Variants in MYT1L observed in about 807,000 individuals in gnomAD.
MYT1L encodes myelin transcription factor 1 like, also known as myelin transcription factor 1-like protein.
Under a neutral mutation model 126.7 loss-of-function variants are expected in MYT1L, and 12 were observed. That is an observed-to-expected ratio of 0.09 (90% CI 0.06 to 0.15). MYT1L has a LOEUF of 0.15. Ranked by LOEUF, MYT1L falls within the 10% of genes least tolerant of loss-of-function variation. MYT1L has a pLI of 1.00. For missense variants in MYT1L, 979 were observed against 1,585.2 expected, an observed-to-expected ratio of 0.62 and a Z score of 6.49; for synonymous variants, 541 against 604.2, an observed-to-expected ratio of 0.90 and a Z score of 1.53.
intron 2 of MYT1L, among the ~76,000 whole-genome samples, chr2:2,217,292 T>C (rs2093703822): frequency 6.6e-6 from 1 of 152,150 alleles, no homozygotes; most frequent in Admixed American, 6.5e-5. Context: ...CAACAGCGTA[T>C]AAGAAGTACA....
Position 2,153,739 on chromosome 2 carries a change from C to T in MYT1L, c.-304+19133G>A, listed in dbSNP as rs139642894. On this transcript the variant is annotated intron_variant, in intron 3 of 24. Transcript: ENST00000647738. ...TTCCAGCAAGCCAGCTGACTGGAGG[C>T]CGGCCTGAATAGAGGAAAGGAAGAC... Among the ~76,000 whole-genome samples the T allele has an allele frequency of 5.9e-5, 9 of 152,192 alleles. No homozygotes were observed. In the East Asian group the frequency reaches 1.7e-3, roughly 29 times the overall value.
At chr2:2,292,740 A>C (rs1168934648) in intron 1 of MYT1L, among the ~76,000 whole-genome samples, 1 of 152,192 alleles carries the variant, frequency 6.6e-6, no homozygotes, top group Non-Finnish European at 1.5e-5. Flanking sequence ...GTGGTTCTAC[A>C]TCCTGATATC....
intron 3 of MYT1L, among the ~76,000 whole-genome samples, chr2:2,167,236 G>A (rs1008635968): frequency 1.3e-5 from 2 of 152,158 alleles, no homozygotes; most frequent in Admixed American, 6.6e-5. Flanking sequence ...CAGGTTTTGA[G>A]GGGTGAGTGT....
chr2:2,092,417 T>C (rs1482760147), intron 3 of MYT1L, among the ~76,000 whole-genome samples: 1 of 152,170 alleles, frequency 6.6e-6, no homozygotes, highest in Admixed American at 6.5e-5. Context: ...ATTACAATAG[T>C]AACATCAAAG....
intron 2 of MYT1L, among the ~76,000 whole-genome samples, chr2:2,233,715 G>T (rs908628954): frequency 6.6e-6 from 1 of 152,172 alleles, no homozygotes; most frequent in African/African-American, 2.4e-5. Context: ...AACCCAAGGT[G>T]GGCTGCTGCC....
intron 3 of MYT1L, among the ~76,000 whole-genome samples, chr2:2,087,828 A>T (rs991253746): frequency 6.6e-6 from 1 of 152,212 alleles, no homozygotes; most frequent in Non-Finnish European, 1.5e-5. Flanking sequence ...CTAATCTATA[A>T]TGGCTTTTAA....
At chr2:1,923,563 C>A (rs887572731) in intron 9 of MYT1L, among the ~76,000 whole-genome samples, 48 of 152,344 alleles carry the variant, frequency 3.2e-4, no homozygotes, top group African/African-American at 1.1e-3. Context: ...TTGTATTTTT[C>A]ATACATTTCA....
In MYT1L at chr2:1,887,389, T is replaced by C. The variant is rs1479611141; in HGVS notation, c.2642+99A>G. ...ACATTTATATGCTGCGAATGTCGCATGCTCAAACGGCAAGGCATATACAGA... is the reference window on the plus strand; with the variant it reads ...ACATTTATATGCTGCGAATGTCGCACGCTCAAACGGCAAGGCATATACAGA... On this transcript the variant is annotated intron_variant, in intron 17 of 24. Coordinates refer to ENST00000647738, the MANE Select transcript of MYT1L (RefSeq NM_001303052.2). The surrounding 1 kb of genome is among the most constrained non-coding windows in gnomAD (Gnocchi z 4.8). 1.8e-5 allele frequency: 27 copies of C among 1,495,892 alleles called. No individual in the cohort carries two copies. The East Asian group carries it at 5.9e-4, about 33-fold the overall frequency. 92.7% of individuals were successfully genotyped at this position (1,495,892 alleles called of 1,614,324 possible).
intron 4 of MYT1L, among the ~76,000 whole-genome samples, chr2:2,039,433 T>A (rs117422206): frequency 6.6e-6 from 1 of 152,094 alleles, no homozygotes; most frequent in East Asian, 1.9e-4. Context: ...ATGACCTTGA[T>A]GTATGTAGTC....
chr2:2,279,305 T>C (rs1051138672), intron 2 of MYT1L, among the ~76,000 whole-genome samples: 5 of 152,106 alleles, frequency 3.3e-5, no homozygotes, highest in Non-Finnish European at 4.4e-5. Context: ...ATTGTGATGA[T>C]AGTTCAAAGT....
At chr2:2,282,614 G>A (rs1420418215) in intron 2 of MYT1L, among the ~76,000 whole-genome samples, 1 of 152,194 alleles carries the variant, frequency 6.6e-6, no homozygotes, top group Non-Finnish European at 1.5e-5. Context: ...ATCATTAACA[G>A]TGTGAAAGGT....
At chr2:2,091,992 T>A (rs1169450634) in intron 3 of MYT1L, among the ~76,000 whole-genome samples, 1 of 152,232 alleles carries the variant, frequency 6.6e-6, no homozygotes, top group African/African-American at 2.4e-5. Flanking sequence ...TCCAGACCGC[T>A]ACAACTTTCC....
chr2:1,876,352 G>T (rs538999066), intron 18 of MYT1L, among the ~76,000 whole-genome samples: 31 of 152,182 alleles, frequency 2.0e-4, no homozygotes, highest in African/African-American at 6.7e-4. Context: ...CTGGTGATGC[G>T]TCCACGCGTG....
chr2:1,991,612 C>T (rs2149570116), intron 5 of MYT1L, among the ~76,000 whole-genome samples: 1 of 152,178 alleles, frequency 6.6e-6, no homozygotes, highest in South Asian at 2.1e-4. Context: ...CTCTGAGGAC[C>T]CACTCTCTCC....
intron 2 of MYT1L, among the ~76,000 whole-genome samples, chr2:2,274,628 T>C (rs1156337770): frequency 6.6e-6 from 1 of 152,194 alleles, no homozygotes. Context: ...AAAGAAGGTA[T>C]AGTGTACTTA....
At chr2:2,188,491 A>T (rs1411600534) in intron 2 of MYT1L, among the ~76,000 whole-genome samples, 1 of 152,224 alleles carries the variant, frequency 6.6e-6, no homozygotes, top group Non-Finnish European at 1.5e-5. Flanking sequence ...ATGCCAAATT[A>T]TGTCATTTAA....
intron 2 of MYT1L, among the ~76,000 whole-genome samples, chr2:2,238,596 C>T (rs1209780747): frequency 3.9e-5 from 6 of 152,292 alleles, no homozygotes; most frequent in South Asian, 4.1e-4. Flanking sequence ...GCTAAGGGAT[C>T]GGCACCCACC....
In MYT1L at chr2:2,157,153, C is replaced by G. The variant is rs116207236; in HGVS notation, c.-304+15719G>C. Among the ~76,000 whole-genome samples the G allele has an allele frequency of 5.5e-3, 832 of 152,258 alleles. 5 individuals are homozygous for G. The highest frequency in any genetic ancestry group is 0.019 in the African/African-American group (772 of 41,530). On this transcript the variant is annotated intron_variant, in intron 3 of 24. Transcript: ENST00000647738. ...TATAAAATAAAACAATCAAGCAGAT[C>G]AGTGAACCTACTGTCTAAAATTGTA...
intron 1 of MYT1L, among the ~76,000 whole-genome samples, chr2:2,288,122 G>A (rs1376646031): frequency 1.3e-5 from 2 of 152,248 alleles, no homozygotes; most frequent in Non-Finnish European, 2.9e-5. Flanking sequence ...TGACCTAAAA[G>A]TAGGGACTAT....
Sources: gnomAD v4.1 joint callset for allele counts (sites outside exome capture counted in the v4.1 genomes callset) on GRCh38, gnomAD v4.1.1 for gene constraint, Gnocchi (gnomAD v3.1) non-coding constraint, MANE v1.5 for transcripts, NCBI Gene and HGNC (gene_info 2026-07-23, HGNC 2026-07-21) for gene names.